The following PPIP5K2 variants were observed in gnomAD, a reference collection of about 807,000 sequenced individuals.
PPIP5K2 encodes inositol hexakisphosphate and diphosphoinositol-pentakisphosphate kinase 2.
In PPIP5K2, 105 loss-of-function variants were observed where a neutral mutation model predicts 154.6. The observed-to-expected ratio is 0.68, with a 90% CI of 0.58 to 0.80. The LOEUF (loss-of-function observed/expected upper bound fraction) is 0.80. Among genes scored for constraint, PPIP5K2 ranks in the 30% least tolerant of loss-of-function variants. The pLI is 0.00. For synonymous variants in PPIP5K2, 480 were observed against 490.3 expected (o/e 0.98, Z 0.28); for missense variants, 992 against 1,504.6 (o/e 0.66, Z 5.64).
At chr5:103,130,111 T>C (rs1790371988) in intron 2 of PPIP5K2, among the ~76,000 whole-genome samples, 1 of 152,208 alleles carries the variant, frequency 6.6e-6, no homozygotes, top group South Asian at 2.1e-4. Context: ...CTGTTACCAA[T>C]GTGAGTTCTG....
intron 5 of PPIP5K2, among the ~76,000 whole-genome samples, chr5:103,139,840 T>G (rs1792249296): frequency 6.6e-6 from 1 of 152,068 alleles, no homozygotes; most frequent in Non-Finnish European, 1.5e-5. Flanking sequence ...TTGAAATAAT[T>G]CAAAACAAGC....
chr5:103,148,165 T>A lies in PPIP5K2; in HGVS notation c.744+133T>A, dbSNP rs782055003. 9.7e-6 allele frequency: 7 copies of A among 725,262 alleles called. No individual in the cohort carries two copies. The South Asian group carries it at 1.1e-4, about 11-fold the overall frequency. 44.9% of individuals were successfully genotyped at this position (725,262 alleles called of 1,614,324 possible). ...CTTTTTGATTAGGGATTCCTCATGT[T>A]TTGTAACAACAACATCTTTAGCAGT... On this transcript the variant is annotated intron_variant, in intron 7 of 30. Transcript: ENST00000358359.
chr5:103,123,134 T>C (rs147981644), intron 1 of PPIP5K2, among the ~76,000 whole-genome samples: 11 of 152,342 alleles, frequency 7.2e-5, no homozygotes, highest in African/African-American at 2.6e-4. Context: ...AAAACTGTCA[T>C]AACAACATTT....
In PPIP5K2 at chr5:103,173,164, A is replaced by G; in HGVS notation, c.2296A>G (p.Ile766Val). 6.2e-7 allele frequency: 1 copy of G among 1,602,516 alleles called. No homozygotes were observed. Among genetic ancestry groups the G allele is most frequent in the Non-Finnish European group, 8.5e-7 (1 of 1,175,620 alleles). Residue 766 changes from isoleucine (I) to valine (V), a missense_variant, in exon 20 of 31, where the codon ATA becomes GTA. Around this residue, in one of 9 missense-constraint regions of PPIP5K2, gnomAD observed 157 missense variants for 281.2 expected, o/e 0.56. Coordinates refer to ENST00000358359, the MANE Select transcript of PPIP5K2 (RefSeq NM_001276277.3). ...TGTATTTTTTGCTCAGGAATATGGT[A>G]TAACTAAAGCTGAAAAACTGGAGAT... is the stretch of plus-strand genomic sequence containing the variant. ...ADIVIPQEYGITKAEKLEIAK... is the reference protein window; with the variant it reads ...ADIVIPQEYGVTKAEKLEIAK...
At chr5:103,200,579 T>A (rs1372340799) in intron 30 of PPIP5K2, among the ~76,000 whole-genome samples, 1 of 151,854 alleles carries the variant, frequency 6.6e-6, no homozygotes, top group Non-Finnish European at 1.5e-5. Flanking sequence ...ATAGTAGAAA[T>A]GTAATAATGT....
chr5:103,158,104 G>T, intron 14 of PPIP5K2, 84 bp from the exon 15 acceptor site: 1 of 1,415,996 alleles, frequency 7.1e-7, no homozygotes. Context: ...CACTGCAGAA[G>T]AGAGCACAGA....
chr5:103,198,164 G>A (rs1374854056), intron 30 of PPIP5K2, among the ~76,000 whole-genome samples: 1 of 151,748 alleles, frequency 6.6e-6, no homozygotes, highest in Non-Finnish European at 1.5e-5. Flanking sequence ...GAAGTATATT[G>A]GTTAAATTCC....
chr5:103,139,755 C>T (rs1554205801), intron 5 of PPIP5K2, among the ~76,000 whole-genome samples: 1 of 152,080 alleles, frequency 6.6e-6, no homozygotes, highest in Non-Finnish European at 1.5e-5. Context: ...AAATAGCTGT[C>T]CTGAGGAAGC....
chr5:103,160,928 GT>G (rs1305939986), intron 17 of PPIP5K2, among the ~76,000 whole-genome samples: 14 of 137,802 alleles, frequency 1.0e-4, no homozygotes, highest in African/African-American at 2.9e-4. Flanking sequence ...ATGTCAAACT[GT>G]TTTTTTTTTC....
chr5:103,127,498 A>C (rs979523556), intron 1 of PPIP5K2, among the ~76,000 whole-genome samples: 1 of 152,206 alleles, frequency 6.6e-6, no homozygotes, highest in Non-Finnish European at 1.5e-5. Context: ...ATAATAAGTA[A>C]ATAGTGTTTG....
At chr5:103,139,308 A>C (rs1400252382) in intron 5 of PPIP5K2, among the ~76,000 whole-genome samples, 2 of 152,164 alleles carry the variant, frequency 1.3e-5, no homozygotes, top group African/African-American at 4.8e-5. Context: ...CAAGATGGCC[A>C]AATATACCCT....
chr5:103,165,715 C>A (rs186682486), intron 17 of PPIP5K2, among the ~76,000 whole-genome samples: 1 of 152,038 alleles, frequency 6.6e-6, no homozygotes. Context: ...ATGGATAACT[C>A]GTTTTAAGAT....
intron 17 of PPIP5K2, among the ~76,000 whole-genome samples, chr5:103,160,269 T>G (rs1796018699): frequency 6.6e-6 from 1 of 152,212 alleles, no homozygotes; most frequent in Non-Finnish European, 1.5e-5. Flanking sequence ...TTCATTTCCT[T>G]TAGCTGTATA....
At chr5:103,137,573 A>G (rs1791749594) in intron 4 of PPIP5K2, among the ~76,000 whole-genome samples, 1 of 152,232 alleles carries the variant, frequency 6.6e-6, no homozygotes. Context: ...AAATTATAAA[A>G]TATGAGTGTA....
Position 103,203,523 on chromosome 5 carries a change from C to A in PPIP5K2, c.*1889C>A, listed in dbSNP as rs1803295561. The A allele has an allele frequency of 6.6e-6, 1 of 152,076 alleles. No individual in the cohort carries two copies. The highest frequency in any genetic ancestry group is 1.5e-5 in the Non-Finnish European group (1 of 68,002). 9.4% of individuals were successfully genotyped at this position (152,076 alleles called of 1,614,324 possible). The stretch of plus-strand genomic sequence containing the variant: ...AAATAAAAAGTCTACTGTATCAGAG[C>A]AAAATGTTATAGTTATCACTGTTTA... On this transcript the variant is annotated 3_prime_UTR_variant, in exon 31 of 31. Transcript: ENST00000358359.
At chr5:103,160,749 C>A (rs1427170214) in intron 17 of PPIP5K2, among the ~76,000 whole-genome samples, 4 of 152,066 alleles carry the variant, frequency 2.6e-5, no homozygotes, top group African/African-American at 9.7e-5. Context: ...GAACATATTA[C>A]AATTTATATA....
intron 24 of PPIP5K2, among the ~76,000 whole-genome samples, chr5:103,181,500 G>A (rs548825542): frequency 2.6e-5 from 4 of 151,942 alleles, no homozygotes; most frequent in South Asian, 2.1e-4. Context: ...CCTGGGAGGC[G>A]GAGGTTGCAG....
intron 20 of PPIP5K2, 68 bp from the exon 21 acceptor site, chr5:103,173,790 T>C (rs1798316902): frequency 1.9e-6 from 2 of 1,036,236 alleles, no homozygotes; most frequent in South Asian, 2.9e-5. Flanking sequence ...TTTTAGAAAA[T>C]AATTTCAATA....
At chr5:103,127,498 A>G (rs979523556) in intron 1 of PPIP5K2, among the ~76,000 whole-genome samples, 1 of 152,206 alleles carries the variant, frequency 6.6e-6, no homozygotes, top group Non-Finnish European at 1.5e-5. Flanking sequence ...ATAATAAGTA[A>G]ATAGTGTTTG....
Sources: allele counts gnomAD v4.1 joint callset (sites outside exome capture counted in the v4.1 genomes callset), GRCh38; gene constraint gnomAD v4.1.1; regional missense constraint gnomAD v4.1.1; transcripts MANE v1.5; gene names NCBI Gene and HGNC (gene_info 2026-07-23, HGNC 2026-07-21).